The following EXOC2 variants were observed in gnomAD, a reference collection of about 807,000 sequenced individuals.
EXOC2 encodes the protein exocyst complex component 2, also known as SEC5-like 1.
Under a neutral mutation model 131.8 loss-of-function variants are expected in EXOC2, and 70 were observed. The observed-to-expected ratio is 0.53, with a 90% CI of 0.44 to 0.65. The LOEUF is 0.65. Ranked by LOEUF, EXOC2 falls within the 30% of genes least tolerant of loss-of-function variation. The probability of loss-of-function intolerance (pLI) is 0.00; values close to 1 mark genes in which losing one functional copy is unlikely to be tolerated. For missense variants in EXOC2, 923 were observed against 1,108.6 expected (o/e 0.83, Z 2.38); for synonymous variants, 411 against 398.4 (o/e 1.03, Z -0.38).
At chr6:599,017 TAAAAAATCTTA>T in intron 8 of EXOC2, 52 bp downstream of exon 8, 1 of 1,563,104 alleles carries the variant, frequency 6.4e-7, no homozygotes, top group Non-Finnish European at 8.7e-7. Context: ...AAAAACATCT[TAAAAAATCTTA>T]AAAATGTATG....
chr6:561,255 G>A (rs897351814), intron 17 of EXOC2, among the ~76,000 whole-genome samples: 3 of 152,124 alleles, frequency 2.0e-5, no homozygotes, highest in African/African-American at 7.2e-5. Flanking sequence ...TCCATGAGAA[G>A]TACAGTCTGC....
chr6:542,965 G>A (rs1756641408), intron 22 of EXOC2, among the ~76,000 whole-genome samples: 1 of 151,992 alleles, frequency 6.6e-6, no homozygotes, highest in African/African-American at 2.4e-5. Flanking sequence ...AGAACAAGAG[G>A]AGCTCTGGGT....
intron 17 of EXOC2, 67 bp from the exon 18 acceptor site, chr6:556,631 A>C (rs1757434084): frequency 2.0e-6 from 3 of 1,537,792 alleles, no homozygotes; most frequent in Admixed American, 3.5e-5. Flanking sequence ...TGTTTAACAC[A>C]AGCGAATATG....
chr6:501,100 ATATATATATTATATATATC>A lies in EXOC2; in HGVS notation c.2381-1419_2381-1401del, dbSNP rs1324925157. Among the ~76,000 whole-genome samples the A allele has an allele frequency of 6.4e-4, 58 of 90,954 alleles. 3 individuals are homozygous for A. The highest frequency in any genetic ancestry group is 7.2e-4 in the Non-Finnish European group (35 of 48,904). 59.7% of individuals were successfully genotyped at this position (90,954 alleles called of 152,430 possible). On this transcript the variant is annotated intron_variant, in intron 23 of 27. Coordinates refer to ENST00000230449, the MANE Select transcript of EXOC2 (RefSeq NM_018303.6). ...TATATATCTATTGGCTCCTCAAAAG[ATATATATATTATATATATC>A]TATATATATTATATATATCTATATA...
At chr6:690,948 A>C (rs1363813319) in intron 1 of EXOC2, among the ~76,000 whole-genome samples, 1 of 152,194 alleles carries the variant, frequency 6.6e-6, no homozygotes, top group Non-Finnish European at 1.5e-5. Flanking sequence ...TCCCAGTTTC[A>C]AAATCCTCTC....
At chr6:493,293 G>A (rs1763539393) in intron 25 of EXOC2, among the ~76,000 whole-genome samples, 2 of 152,160 alleles carry the variant, frequency 1.3e-5, no homozygotes, top group Admixed American at 6.5e-5. Flanking sequence ...CTGAAAAACA[G>A]TATATAACTA....
intron 13 of EXOC2, among the ~76,000 whole-genome samples, chr6:572,124 G>A (rs989208563): frequency 2.6e-5 from 4 of 152,192 alleles, no homozygotes; most frequent in African/African-American, 9.7e-5. Flanking sequence ...TGTTCCGGGT[G>A]CCGGCTGCCA....
At position 491,133 on chromosome 6, in the gene EXOC2, G is replaced by C. The variant is rs765317151; in HGVS notation, c.2613C>G (p.Pro871=). 1.2e-6 allele frequency: 2 copies of C among 1,613,738 alleles called. No individual in the cohort carries two copies. The highest frequency in any genetic ancestry group is 1.3e-5 in the African/African-American group (1 of 74,788). The part of the protein sequence containing the change: ...LRDTVAVYLT[P]ESKSSFKQAL... ...AGAACACTGCCACTTACTTGCTTTC[G>C]GGTGTCAGGTAAACAGCCACAGTGT... Residue 871 remains proline (P), a synonymous_variant, in exon 26 of 28, where the codon CCC becomes CCG. Coordinates refer to ENST00000230449, the MANE Select transcript of EXOC2 (RefSeq NM_018303.6).
chr6:674,379 T>G (rs1301060189), intron 1 of EXOC2, among the ~76,000 whole-genome samples: 1 of 152,154 alleles, frequency 6.6e-6, no homozygotes, highest in Non-Finnish European at 1.5e-5. Context: ...CTAGCTAGCA[T>G]TTGGATCATG....
At chr6:578,901 T>C (rs1758736803) in intron 11 of EXOC2, among the ~76,000 whole-genome samples, 1 of 152,210 alleles carries the variant, frequency 6.6e-6, no homozygotes, top group Non-Finnish European at 1.5e-5. Context: ...TTGTCACTTC[T>C]ATCAATTGTG....
At position 564,069 on chromosome 6, in the gene EXOC2, G is replaced by A. The variant is rs752593105; in HGVS notation, c.1753C>T (p.Arg585Cys). Residue 585 changes from arginine (R) to cysteine (C), a missense_variant, in exon 16 of 28, where the codon CGT (arginine) becomes TGT (cysteine). By Grantham distance (180) the Arg-to-Cys change is radical. Transcript: ENST00000230449. ...TGCTGCAACGTGGCCATTACGCAAC[G>A]TACTCGGAGATCCAAGATGAGATCC... is the stretch of plus-strand genomic sequence containing the variant. ...IQDLILDLRV[R>C]CVMATLQHTA... 81 of 1,613,966 alleles carry A rather than the reference G, an allele frequency of 5.0e-5. No individual in the cohort carries two copies. The highest frequency in any genetic ancestry group is 1.2e-4 in the Admixed American group (7 of 59,982).
intron 12 of EXOC2, 33 bp downstream of exon 12, chr6:576,724 A>G (rs1355805813): frequency 6.2e-7 from 1 of 1,604,122 alleles, no homozygotes; most frequent in Middle Eastern, 1.7e-4. Context: ...TACAAATTTA[A>G]AAGACCCAGT....
chr6:650,622 T>A (rs1222933656), intron 1 of EXOC2, among the ~76,000 whole-genome samples: 1 of 152,236 alleles, frequency 6.6e-6, no homozygotes, highest in Admixed American at 6.5e-5. Flanking sequence ...GAATAAATTA[T>A]CTTTTCCATT....
At chr6:604,390 T>C (rs1425681363) in intron 7 of EXOC2, among the ~76,000 whole-genome samples, 1 of 152,176 alleles carries the variant, frequency 6.6e-6, no homozygotes, top group Non-Finnish European at 1.5e-5. Context: ...ATTCCATTAC[T>C]ACACACATTA....
At chr6:650,606 G>A (rs1022599311) in intron 1 of EXOC2, among the ~76,000 whole-genome samples, 1 of 152,190 alleles carries the variant, frequency 6.6e-6, no homozygotes. Context: ...AATAACCTAA[G>A]TAGAAGAATA....
chr6:623,683 G>A (rs1761410312), intron 4 of EXOC2, among the ~76,000 whole-genome samples: 1 of 152,096 alleles, frequency 6.6e-6, no homozygotes, highest in African/African-American at 2.4e-5. Flanking sequence ...CCCCTTAACT[G>A]GGGAGAGATC....
intron 1 of EXOC2, among the ~76,000 whole-genome samples, chr6:689,828 T>C (rs1001633742): frequency 3.3e-5 from 5 of 152,144 alleles, no homozygotes; most frequent in African/African-American, 1.2e-4. Context: ...ACAACACAAG[T>C]GCTATAAGAC....
intron 23 of EXOC2, among the ~76,000 whole-genome samples, chr6:530,267 G>A (rs555104526): frequency 6.6e-6 from 1 of 152,330 alleles, no homozygotes; most frequent in Admixed American, 6.5e-5. Context: ...TAGAAGAGAA[G>A]GAGCAACTGG....
chr6:656,151 A>G (rs1321494005), intron 1 of EXOC2: 1 of 1,614,064 alleles, frequency 6.2e-7, no homozygotes, highest in Admixed American at 1.7e-5. Flanking sequence ...ATCTTCTTGA[A>G]CCAAAACAAG....
Sources: gnomAD v4.1 joint callset for allele counts (sites outside exome capture counted in the v4.1 genomes callset) on GRCh38, gnomAD v4.1.1 for gene constraint, MANE v1.5 for transcripts, NCBI Gene and HGNC (gene_info 2026-07-23, HGNC 2026-07-21) for gene names.